LTBP1: variants seen among roughly 807,000 people sequenced by gnomAD.
LTBP1 encodes the protein latent transforming growth factor beta binding protein 1.
LTBP1 carries 129 observed loss-of-function variants against 207.6 expected under a neutral mutation model. That is an observed-to-expected ratio of 0.62 (90% CI 0.54 to 0.72). The LOEUF (loss-of-function observed/expected upper bound fraction) is 0.72, where lower values mean the gene tolerates loss of function less well. Among genes scored for constraint, LTBP1 ranks in the 30% least tolerant of loss-of-function variants. LTBP1 has a pLI of 0.00. For missense variants in LTBP1, 2,281 were observed against 2,217.2 expected (o/e 1.03, Z -0.58); for synonymous variants, 963 against 833.7 (o/e 1.16, Z -2.67).
chr2:33,156,272 G>A (rs2147970180), intron 5 of LTBP1, among the ~76,000 whole-genome samples: 1 of 152,334 alleles, frequency 6.6e-6, no homozygotes, highest in South Asian at 2.1e-4. Context: ...TTCACCTCAT[G>A]TGTGATGTTG....
chr2:33,347,369 GTGAA>G lies in LTBP1; in HGVS notation c.3866_3869del (p.Glu1289ValfsTer34). The stretch of plus-strand genomic sequence containing the variant: ...TTGGTCTGTGCTCCCTTTTCCAGAT[GTGAA>G]TGAATGTGAACTGCTCAGTGGGGTG... On this transcript the variant is annotated frameshift_variant, in exon 26 of 34. Coordinates refer to ENST00000404816, the MANE Select transcript of LTBP1 (RefSeq NM_206943.4). LOFTEE classifies it high-confidence loss of function. 3.7e-6 allele frequency: 6 copies of G among 1,614,152 alleles called. No homozygotes were observed. Among genetic ancestry groups the G allele is most frequent in the Non-Finnish European group, 5.1e-6 (6 of 1,180,024 alleles).
In LTBP1 at chr2:33,345,222, T is replaced by C. The variant is rs78379064; in HGVS notation, c.3857-2145T>C. Among the ~76,000 whole-genome samples the C allele has an allele frequency of 1.6e-3, 244 of 152,342 alleles. 1 individual carries two copies. The highest frequency in any genetic ancestry group is 5.6e-3 in the African/African-American group (232 of 41,578). Reference sequence around the variant, plus strand: ...CTAACCCACCCCCACATTTAAGGTCTGCTGTTCCATGCTTTCACTGAGCTC... The same window carrying C: ...CTAACCCACCCCCACATTTAAGGTCCGCTGTTCCATGCTTTCACTGAGCTC... On this transcript the variant is annotated intron_variant, in intron 25 of 33. Transcript: ENST00000404816.
rs747297113 is a variant in LTBP1 at position 33,397,115 on chromosome 2, CT to C, written c.4835-17del. 3 of 1,611,064 alleles carry C rather than the reference CT, an allele frequency of 1.9e-6. No homozygotes were observed. In the South Asian group the frequency reaches 3.3e-5, roughly 18 times the overall value. On this transcript the variant is annotated splice_polypyrimidine_tract_variant and intron_variant, in intron 32 of 33. Transcript: ENST00000404816. ...AAGTTGAGAAGCTCTAACTTAGCTT[CT>C]GCCCTTTCCTTTCCAGGTTTTCTAA...
intron 5 of LTBP1, among the ~76,000 whole-genome samples, chr2:33,140,962 T>C (rs1394596416): frequency 6.6e-6 from 1 of 152,206 alleles, no homozygotes; most frequent in South Asian, 2.1e-4. Context: ...CCACGCCCGG[T>C]CTTTTCCTTT....
At position 33,382,111 on chromosome 2, in the gene LTBP1, T is replaced by TTTTTTTG. The variant is rs1553316521; in HGVS notation, c.4712-7072_4712-7071insTTTTTGT. 2.3e-4 allele frequency among the ~76,000 whole-genome samples: 24 copies of TTTTTTTG among 103,652 alleles called. 7 individuals carry two copies. Among genetic ancestry groups the TTTTTTTG allele is most frequent in the African/African-American group, 1.2e-3 (24 of 20,682 alleles). 68.0% of individuals were successfully genotyped at this position (103,652 alleles called of 152,430 possible). On this transcript the variant is annotated intron_variant, in intron 31 of 33. Transcript: ENST00000404816. ...TTTTTTTTTTTTTTTTTTTTTTTTT[T>TTTTTTTG]TGAGACAGAGTCTCGCTCTGTTGCC...
intron 2 of LTBP1, among the ~76,000 whole-genome samples, chr2:33,011,511 C>T (rs1425768060): frequency 6.6e-6 from 1 of 152,064 alleles, no homozygotes; most frequent in Non-Finnish European, 1.5e-5. Context: ...GACACAGAGA[C>T]AGACACAGAG....
chr2:33,347,396 G>A lies in LTBP1; in HGVS notation c.3886G>A (p.Val1296Met). 1 of 1,614,186 alleles carries A rather than the reference G, an allele frequency of 6.2e-7. No homozygotes were observed. The highest frequency in any genetic ancestry group is 8.5e-7 in the Non-Finnish European group (1 of 1,180,034). Residue 1296 changes from valine (V) to methionine (M), a missense_variant, in exon 26 of 34, where the codon GTG (valine) becomes ATG (methionine). Physicochemically the swap from Val to Met is conservative, Grantham distance 21. Coordinates refer to ENST00000404816, the MANE Select transcript of LTBP1 (RefSeq NM_206943.4). The stretch of plus-strand genomic sequence containing the variant: ...GAATGAATGTGAACTGCTCAGTGGG[G>A]TGTGTGGTGAAGCCTTCTGTGAAAA... ...DVNECELLSG[V>M]CGEAFCENVE... is the part of the protein sequence containing the mutation.
At chr2:33,311,798 T>G (rs1309101628) in intron 23 of LTBP1, among the ~76,000 whole-genome samples, 2 of 152,216 alleles carry the variant, frequency 1.3e-5, no homozygotes, top group African/African-American at 4.8e-5. Flanking sequence ...TTTGTGTCTG[T>G]GGTTTGATAT....
chr2:33,368,492 A>G (rs80198513), intron 31 of LTBP1, among the ~76,000 whole-genome samples: 7,135 of 152,316 alleles, frequency 0.047, 172 homozygotes, highest in African/African-American at 0.056. Context: ...CAATGCTGCA[A>G]TGAACCTCCA....
intron 33 of LTBP1, 65 bp downstream of exon 33, chr2:33,397,347 G>A: frequency 3.8e-6 from 6 of 1,568,596 alleles, no homozygotes; most frequent in Non-Finnish European, 5.3e-6. Context: ...TCAGTCAGTA[G>A]AGAACATTTA....
intron 24 of LTBP1, among the ~76,000 whole-genome samples, chr2:33,322,328 G>A (rs568572632): frequency 2.0e-5 from 3 of 152,128 alleles, no homozygotes; most frequent in East Asian, 1.9e-4. Flanking sequence ...GGTGCTGGGC[G>A]TCCTACATCT....
chr2:33,262,292 A>G (rs528152946), intron 13 of LTBP1, among the ~76,000 whole-genome samples: 4 of 152,330 alleles, frequency 2.6e-5, no homozygotes, highest in East Asian at 3.9e-4. Flanking sequence ...CACATCTGCT[A>G]TATCCATTAT....
At chr2:33,220,187 C>T (rs1033834340) in intron 8 of LTBP1, among the ~76,000 whole-genome samples, 1 of 152,178 alleles carries the variant, frequency 6.6e-6, no homozygotes, top group Non-Finnish European at 1.5e-5. Flanking sequence ...GTGACTCACT[C>T]CCAAGAAACA....
At chr2:33,297,111 G>T (rs17038524) in intron 20 of LTBP1, among the ~76,000 whole-genome samples, 10,912 of 152,228 alleles carry the variant, frequency 0.072, 615 homozygotes, top group African/African-American at 0.15. Context: ...ATACAAAGGG[G>T]AGTAAAACTT....
At chr2:33,121,352 T>C (rs769135379) in intron 4 of LTBP1, among the ~76,000 whole-genome samples, 1 of 152,066 alleles carries the variant, frequency 6.6e-6, no homozygotes, top group African/African-American at 2.4e-5. Flanking sequence ...TGTAAGTCCT[T>C]GTATCCTATA....
intron 7 of LTBP1, among the ~76,000 whole-genome samples, chr2:33,205,215 G>T (rs962243868): frequency 2.6e-5 from 4 of 152,324 alleles, no homozygotes; most frequent in Middle Eastern, 3.4e-3. Context: ...AAGCTTTTTA[G>T]TACTTCTTCA....
intron 5 of LTBP1, among the ~76,000 whole-genome samples, chr2:33,174,816 T>C (rs1422438132): frequency 6.6e-6 from 1 of 151,828 alleles, no homozygotes; most frequent in Non-Finnish European, 1.5e-5. Context: ...GAGATATAGA[T>C]CAATGGAAGA....
intron 7 of LTBP1, among the ~76,000 whole-genome samples, chr2:33,204,761 C>T (rs559798829): frequency 2.0e-5 from 3 of 152,154 alleles, no homozygotes; most frequent in South Asian, 4.2e-4. Context: ...CAAGCCTCTT[C>T]GTAAGACAAT....
At chr2:33,305,025 A>C (rs1428457609) in intron 22 of LTBP1, among the ~76,000 whole-genome samples, 4 of 152,222 alleles carry the variant, frequency 2.6e-5, no homozygotes, top group Non-Finnish European at 5.9e-5. Flanking sequence ...GAAAAAATAC[A>C]ATAAATGGCT....
Sources: allele counts gnomAD v4.1 joint callset (sites outside exome capture counted in the v4.1 genomes callset), GRCh38; gene constraint gnomAD v4.1.1; transcripts MANE v1.5; gene names NCBI Gene and HGNC (gene_info 2026-07-23, HGNC 2026-07-21).